AHCYL2: variants seen among roughly 807,000 people sequenced by gnomAD.
The protein encoded by AHCYL2 is adenosylhomocysteinase like 2.
A neutral mutation model predicts 81.4 loss-of-function variants in AHCYL2; 28 were observed. That is an observed-to-expected ratio of 0.34 (90% confidence interval 0.25 to 0.47). AHCYL2 has a LOEUF of 0.47. Ranked by LOEUF, AHCYL2 falls within the 20% of genes least tolerant of loss-of-function variation. The probability of loss-of-function intolerance (pLI) is 1.00; values close to 1 mark genes in which losing one functional copy is unlikely to be tolerated. For missense variants in AHCYL2, 551 were observed against 785.1 expected (o/e 0.70, Z 3.56); for synonymous variants, 272 against 290.2 (o/e 0.94, Z 0.64).
intron 1 of AHCYL2, among the ~76,000 whole-genome samples, chr7:129,271,310 G>A (rs970924275): frequency 4.1e-5 from 6 of 146,232 alleles, no homozygotes; most frequent in South Asian, 4.3e-4. Context: ...GCAGTGAGCC[G>A]AGATGGTGCC....
At chr7:129,352,037 A>T (rs71548765) in intron 1 of AHCYL2, among the ~76,000 whole-genome samples, 4 of 57,008 alleles carry the variant, frequency 7.0e-5, no homozygotes, top group African/African-American at 1.9e-4. Context: ...TCAATCCTGG[A>T]GTATAATTTT....
At chr7:129,306,840 T>C (rs1797460349) in intron 1 of AHCYL2, among the ~76,000 whole-genome samples, 1 of 152,220 alleles carries the variant, frequency 6.6e-6, no homozygotes, top group Admixed American at 6.5e-5. Flanking sequence ...AATGCTGTAG[T>C]TCATACAGAC....
At chr7:129,259,856 C>G (rs1223159281) in intron 1 of AHCYL2, among the ~76,000 whole-genome samples, 1 of 152,118 alleles carries the variant, frequency 6.6e-6, no homozygotes, top group Non-Finnish European at 1.5e-5. Flanking sequence ...GCAGGCAGAT[C>G]ATCTGAGGTC....
rs1796303532 is a variant in AHCYL2 at position 129,406,286 on chromosome 7, G to T, written c.1207-92G>T. 1.1e-5 allele frequency: 12 copies of T among 1,062,228 alleles called. No homozygotes were observed. The highest frequency in any genetic ancestry group is 1.6e-5 in the African/African-American group (1 of 63,486). 65.8% of individuals were successfully genotyped at this position (1,062,228 alleles called of 1,614,324 possible). A position where few individuals can be genotyped will look rare whatever the true frequency, so the allele number is the denominator to read the frequency against. The stretch of plus-strand genomic sequence containing the variant: ...ATCTATTCAGTGAAATTCCTCTCGG[G>T]GGTGGAAAGAGGGGGTGCACTTTAC... On this transcript the variant is annotated intron_variant, in intron 9 of 16. Transcript: ENST00000325006. This position sits in a 1 kb window ranked among gnomAD's most constrained non-coding sequence, Gnocchi z 4.3.
At chr7:129,306,404 T>C (rs1330057904) in intron 1 of AHCYL2, among the ~76,000 whole-genome samples, 1 of 152,156 alleles carries the variant, frequency 6.6e-6, no homozygotes, top group African/African-American at 2.4e-5. Context: ...GTGTCAATTG[T>C]ATTTTTCCAC....
At chr7:129,327,820 G>C (rs1390681013) in intron 1 of AHCYL2, among the ~76,000 whole-genome samples, 1 of 151,670 alleles carries the variant, frequency 6.6e-6, no homozygotes, top group African/African-American at 2.4e-5. Context: ...TTCAGACTGA[G>C]TCTTACTCTG....
intron 1 of AHCYL2, among the ~76,000 whole-genome samples, chr7:129,253,680 C>T (rs1274714140): frequency 6.6e-6 from 1 of 152,148 alleles, no homozygotes; most frequent in Admixed American, 6.5e-5. Context: ...GGTTCAGACA[C>T]AGCTCACTAC....
At chr7:129,349,916 C>G (rs1793497678) in intron 1 of AHCYL2, among the ~76,000 whole-genome samples, 1 of 152,152 alleles carries the variant, frequency 6.6e-6, no homozygotes, top group Non-Finnish European at 1.5e-5. Context: ...TGATCATTAT[C>G]TGTTACTTGA....
intron 1 of AHCYL2, among the ~76,000 whole-genome samples, chr7:129,376,351 A>G (rs1303808173): frequency 1.3e-5 from 2 of 152,212 alleles, no homozygotes; most frequent in Non-Finnish European, 2.9e-5. Context: ...GGAAAATTGC[A>G]TAACTTATAT....
intron 1 of AHCYL2, among the ~76,000 whole-genome samples, chr7:129,328,507 CAG>C (rs1177709294): frequency 2.0e-5 from 3 of 148,784 alleles, no homozygotes; most frequent in Admixed American, 2.0e-4. Context: ...TTTTGTGAGA[CAG>C]GGTCTCACTC....
intron 7 of AHCYL2, among the ~76,000 whole-genome samples, chr7:129,404,858 T>TAG (rs1335525413): frequency 6.6e-6 from 1 of 152,130 alleles, no homozygotes; most frequent in Non-Finnish European, 1.5e-5. Flanking sequence ...CCTTAAAATT[T>TAG]AGAGGTGGGT....
intron 1 of AHCYL2, among the ~76,000 whole-genome samples, chr7:129,359,705 T>C (rs1328864915): frequency 6.6e-6 from 1 of 152,206 alleles, no homozygotes; most frequent in Non-Finnish European, 1.5e-5. Context: ...GACTTTTCTT[T>C]GAGAACAGCT....
At chr7:129,281,412 G>GT (rs1418979756) in intron 1 of AHCYL2, among the ~76,000 whole-genome samples, 7 of 150,142 alleles carry the variant, frequency 4.7e-5, no homozygotes, top group Non-Finnish European at 1.0e-4. Flanking sequence ...TTCTAGAAGA[G>GT]TTTTTATAGA....
chr7:129,309,352 A>G (rs927401000), intron 1 of AHCYL2, among the ~76,000 whole-genome samples: 8 of 152,260 alleles, frequency 5.3e-5, no homozygotes, highest in African/African-American at 1.9e-4. Flanking sequence ...CAGTCTAGAA[A>G]ACATAGTGAG....
At chr7:129,292,845 A>C (rs561775896) in intron 1 of AHCYL2, among the ~76,000 whole-genome samples, 1 of 152,186 alleles carries the variant, frequency 6.6e-6, no homozygotes, top group Admixed American at 6.5e-5. Context: ...AGGAACTTAA[A>C]TATTAGGAAC....
At position 129,315,149 on chromosome 7, in the gene AHCYL2, T is replaced by G. The variant is rs548685687; in HGVS notation, c.364-64489T>G. Among the ~76,000 whole-genome samples the G allele has an allele frequency of 7.5e-3, 1,146 of 152,316 alleles. 12 individuals carry two copies. Among genetic ancestry groups the G allele is most frequent in the African/African-American group, 0.026 (1,069 of 41,564 alleles). On this transcript the variant is annotated intron_variant, in intron 1 of 16. Transcript: ENST00000325006. The stretch of plus-strand genomic sequence containing the variant: ...TACCTGGACTATTGCAGCTGACACC[T>G]GACAGTCTTGCTTTTGTCCCTCCTC...
chr7:129,360,665 A>G (rs536088780), intron 1 of AHCYL2, among the ~76,000 whole-genome samples: 40 of 152,192 alleles, frequency 2.6e-4, no homozygotes, highest in South Asian at 1.9e-3. Context: ...GGAAATGTCT[A>G]CTGAAGGAAA....
intron 1 of AHCYL2, among the ~76,000 whole-genome samples, chr7:129,258,655 A>G (rs1795514624): frequency 6.6e-6 from 1 of 151,394 alleles, no homozygotes; most frequent in South Asian, 2.1e-4. Context: ...AAGATCTTGG[A>G]TAGAATGGAG....
chr7:129,427,058 C>A lies in AHCYL2; in HGVS notation c.*13C>A, dbSNP rs758940203. On this transcript the variant is annotated 3_prime_UTR_variant, in exon 17 of 17. Transcript: ENST00000325006. This position sits in a 1 kb window ranked among gnomAD's most constrained non-coding sequence, Gnocchi z 5.5. ...CTCCAGGTATTAAGTTCCTGTAACT[C>A]AAACCAGAATTTTTAAGGAATAGAA... 5.0e-6 allele frequency: 8 copies of A among 1,605,244 alleles called. No homozygotes were observed. In the East Asian group the frequency reaches 1.6e-4, roughly 31 times the overall value.
Sources: gnomAD v4.1 joint callset for allele counts (sites outside exome capture counted in the v4.1 genomes callset) on GRCh38, gnomAD v4.1.1 for gene constraint, Gnocchi (gnomAD v3.1) non-coding constraint, MANE v1.5 for transcripts, NCBI Gene and HGNC (gene_info 2026-07-23, HGNC 2026-07-21) for gene names.